The following FGF14 variants were observed in gnomAD, a reference collection of about 807,000 sequenced individuals.
FGF14 encodes fibroblast growth factor 14.
In FGF14, 5 loss-of-function variants were observed where a neutral mutation model predicts 25.5. The observed-to-expected ratio is 0.20, with a 90% CI of 0.10 to 0.41. FGF14 has a LOEUF of 0.41. Ranked by LOEUF, FGF14 falls within the 10% of genes least tolerant of loss-of-function variation. The probability of loss-of-function intolerance (pLI) is 1.00; values close to 1 mark genes in which losing one functional copy is unlikely to be tolerated. For synonymous variants in FGF14, 138 were observed against 118.3 expected, an observed-to-expected ratio of 1.17 and a Z score of -1.08; for missense variants, 222 against 320.1, an observed-to-expected ratio of 0.69 and a Z score of 2.34.
chr13:102,161,694 G>GTC (rs1275020079), intron 1 of FGF14, among the ~76,000 whole-genome samples: 21,110 of 117,856 alleles, frequency 0.18, 1,666 homozygotes, highest in Middle Eastern at 0.25. Flanking sequence ...AGAAGAAGAA[G>GTC]AAGAAGAAGA....
At position 101,956,893 on chromosome 13, in the gene FGF14, C is replaced by T. The variant is rs76474373; in HGVS notation, c.209-81597G>A. On this transcript the variant is annotated intron_variant, in intron 1 of 4. Transcript: ENST00000376131. Reference sequence around the variant, plus strand: ...GTCCTTCCTTTGTTTTTGTTTTTTTCTCTCTCTCTTTCTTATGTATAGATT... The same window carrying T: ...GTCCTTCCTTTGTTTTTGTTTTTTTTTCTCTCTCTTTCTTATGTATAGATT... Among the ~76,000 whole-genome samples, 1,183 of 150,584 alleles carry T rather than the reference C, an allele frequency of 7.9e-3. 34 individuals are homozygous for T. Among genetic ancestry groups the T allele is most frequent in the Admixed American group, 0.045 (680 of 15,148 alleles).
intron 1 of FGF14, among the ~76,000 whole-genome samples, chr13:102,169,018 G>A (rs926502705): frequency 1.3e-5 from 2 of 151,620 alleles, no homozygotes; most frequent in Non-Finnish European, 2.9e-5. Context: ...GAAAAAAAAA[G>A]AACACTCACA....
At chr13:102,067,057 T>C (rs957455872) in intron 1 of FGF14, among the ~76,000 whole-genome samples, 22 of 152,210 alleles carry the variant, frequency 1.4e-4, no homozygotes, top group Middle Eastern at 3.2e-3. Context: ...CCTCACTTCT[T>C]AAAACTATGT....
At chr13:101,818,980 C>G (rs973478543) in intron 3 of FGF14, among the ~76,000 whole-genome samples, 2 of 152,118 alleles carry the variant, frequency 1.3e-5, no homozygotes, top group African/African-American at 2.4e-5. Flanking sequence ...AAGCTTACCC[C>G]CCAGGTTACA....
At position 102,294,398 on chromosome 13, in the gene FGF14, A is replaced by G. The variant is rs545665663; in HGVS notation, c.208+107073T>C. ...TCTTCATCTTCCACTGCTTTTTTCT[A>G]GAAGACTGTTTGGTCCAAAAAAAAA... On this transcript the variant is annotated intron_variant, in intron 1 of 4. Transcript: ENST00000376131. Among the ~76,000 whole-genome samples the G allele has an allele frequency of 6.7e-4, 101 of 151,748 alleles. 1 individual carries two copies. In the South Asian group the frequency reaches 0.02, roughly 31 times the overall value.
intron 3 of FGF14, among the ~76,000 whole-genome samples, chr13:101,818,622 T>A (rs1473941104): frequency 6.6e-6 from 1 of 152,204 alleles, no homozygotes; most frequent in African/African-American, 2.4e-5. Context: ...TTCGGAGAAC[T>A]CTATTAATAG....
chr13:102,316,547 G>A (rs1321914980), intron 1 of FGF14, among the ~76,000 whole-genome samples: 1 of 152,130 alleles, frequency 6.6e-6, no homozygotes, highest in East Asian at 1.9e-4. Context: ...AACTAAACAT[G>A]TTAAAACATT....
At chr13:102,011,106 A>T (rs895275129) in intron 1 of FGF14, among the ~76,000 whole-genome samples, 15 of 152,216 alleles carry the variant, frequency 9.9e-5, no homozygotes, top group African/African-American at 3.1e-4. Context: ...AAGATTTTGA[A>T]AACTTGAAGA....
intron 1 of FGF14, among the ~76,000 whole-genome samples, chr13:102,115,963 A>T (rs2045450219): frequency 6.6e-6 from 1 of 152,110 alleles, no homozygotes; most frequent in South Asian, 2.1e-4. Flanking sequence ...ATACAAAATT[A>T]GCCGGGCTTG....
intron 1 of FGF14, among the ~76,000 whole-genome samples, chr13:102,001,781 G>T (rs2039509453): frequency 6.6e-6 from 1 of 152,186 alleles, no homozygotes; most frequent in South Asian, 2.1e-4. Context: ...CAATGGATTT[G>T]TCAACAGAAT....
intron 1 of FGF14, among the ~76,000 whole-genome samples, chr13:102,086,195 A>G (rs1373298940): frequency 6.6e-6 from 1 of 152,180 alleles, no homozygotes; most frequent in African/African-American, 2.4e-5. Flanking sequence ...CTTTAAATGC[A>G]ATTTGCTAAT....
chr13:101,921,999 T>G (rs535442437), intron 1 of FGF14, among the ~76,000 whole-genome samples: 82 of 152,342 alleles, frequency 5.4e-4, no homozygotes, highest in African/African-American at 1.8e-3. Flanking sequence ...TCTTCCCCGT[T>G]TAAAATATAA....
intron 1 of FGF14, among the ~76,000 whole-genome samples, chr13:102,050,570 A>G (rs755301523): frequency 2.6e-4 from 40 of 152,222 alleles, no homozygotes; most frequent in Middle Eastern, 6.3e-3. Flanking sequence ...TAATAAATCT[A>G]CAGATTCCTT....
intron 1 of FGF14, among the ~76,000 whole-genome samples, chr13:102,113,671 G>A (rs1049429891): frequency 6.6e-6 from 1 of 152,102 alleles, no homozygotes; most frequent in African/African-American, 2.4e-5. Flanking sequence ...CCTAATGGAC[G>A]GTGCTGCTGT....
intron 3 of FGF14, among the ~76,000 whole-genome samples, chr13:101,766,745 T>TG (rs1211717731): frequency 2.0e-5 from 3 of 152,146 alleles, no homozygotes. Context: ...CTAAATCTCA[T>TG]GACTGGCATC....
At chr13:102,369,036 C>T (rs1486357239) in intron 1 of FGF14, among the ~76,000 whole-genome samples, 2 of 152,202 alleles carry the variant, frequency 1.3e-5, no homozygotes, top group Non-Finnish European at 2.9e-5. Flanking sequence ...TCTCAGTCAA[C>T]AGATTAGTAA....
chr13:102,259,058 C>T (rs190286856), intron 1 of FGF14, among the ~76,000 whole-genome samples: 3 of 152,290 alleles, frequency 2.0e-5, no homozygotes, highest in Non-Finnish European at 2.9e-5. Flanking sequence ...CATTCATCTG[C>T]TCATTTTGTG....
intron 3 of FGF14, among the ~76,000 whole-genome samples, chr13:101,756,301 C>A (rs2037645232): frequency 6.6e-6 from 1 of 152,114 alleles, no homozygotes; most frequent in Admixed American, 6.5e-5. Context: ...TGCTATTTTT[C>A]TGGCTTGTAG....
intron 3 of FGF14, among the ~76,000 whole-genome samples, chr13:101,741,241 C>G (rs1456560057): frequency 6.6e-6 from 1 of 152,132 alleles, no homozygotes. Context: ...GAGGGTGAGG[C>G]AGGAGAATTG....
Sources: allele counts gnomAD v4.1 joint callset (sites outside exome capture counted in the v4.1 genomes callset), GRCh38; gene constraint gnomAD v4.1.1; transcripts MANE v1.5; gene names NCBI Gene and HGNC (gene_info 2026-07-23, HGNC 2026-07-21).